Variants in ESR1 observed in about 807,000 individuals in gnomAD.
The protein encoded by ESR1 is estrogen receptor 1, also known as estrogen receptor.
Under a neutral mutation model 52.7 loss-of-function variants are expected in ESR1, and 12 were observed. That is an observed-to-expected ratio of 0.23 (90% CI 0.15 to 0.37). The LOEUF is 0.37. ESR1 is among the 10% of genes least tolerant of loss of function. The pLI is 1.00. For missense variants in ESR1, 584 were observed against 779.7 expected, an observed-to-expected ratio of 0.75 and a Z score of 2.99; for synonymous variants, 305 against 316.8, an observed-to-expected ratio of 0.96 and a Z score of 0.39.
intron 6 of ESR1, among the ~76,000 whole-genome samples, chr6:152,092,773 C>A (rs2050289362): frequency 6.6e-6 from 1 of 152,190 alleles, no homozygotes. Context: ...CTGTTCCATC[C>A]TGCCCATCTC....
chr6:151,796,331 A>ATG (rs373778724), intron 2 of ESR1, among the ~76,000 whole-genome samples: 1 of 152,034 alleles, frequency 6.6e-6, no homozygotes, highest in Non-Finnish European at 1.5e-5. Context: ...GTGTGGAAGA[A>ATG]TGTGTGTGTG....
At chr6:152,128,093 A>C (rs533454720) in exon 7 of ESR1, 2 of 152,202 alleles carry the variant, frequency 1.3e-5, no homozygotes, top group South Asian at 4.1e-4. Flanking sequence ...AATTGGAGTG[A>C]AATCTTTCTA....
intron 5 of ESR1, among the ~76,000 whole-genome samples, chr6:152,034,483 G>A (rs2045089398): frequency 6.6e-6 from 1 of 151,688 alleles, no homozygotes; most frequent in African/African-American, 2.4e-5. Flanking sequence ...GCTGTCCATA[G>A]AGTTTGTCTG....
intron 2 of ESR1, among the ~76,000 whole-genome samples, chr6:151,772,309 C>T (rs752668061): frequency 9.9e-5 from 15 of 152,120 alleles, no homozygotes; most frequent in Non-Finnish European, 2.1e-4. Context: ...AACATATGCA[C>T]CAATCTGAAT....
intron 3 of ESR1, among the ~76,000 whole-genome samples, chr6:151,923,103 C>T (rs763892289): frequency 6.6e-6 from 1 of 152,154 alleles, no homozygotes; most frequent in Non-Finnish European, 1.5e-5. Flanking sequence ...ACTTTATCAA[C>T]TAGAGTATAG....
At chr6:152,082,228 A>G (rs571185745) in intron 6 of ESR1, among the ~76,000 whole-genome samples, 3 of 152,202 alleles carry the variant, frequency 2.0e-5, no homozygotes, top group Non-Finnish European at 2.9e-5. Context: ...ATACTGGCAA[A>G]CCAAATCCAG....
At chr6:152,015,113 C>G (rs1329026727) in intron 5 of ESR1, among the ~76,000 whole-genome samples, 1 of 152,024 alleles carries the variant, frequency 6.6e-6, no homozygotes, top group Non-Finnish European at 1.5e-5. Flanking sequence ...TCATGAATCA[C>G]TATTACAAGT....
chr6:151,952,614 C>G (rs76893814), intron 4 of ESR1, among the ~76,000 whole-genome samples: 10 of 152,302 alleles, frequency 6.6e-5, no homozygotes, highest in African/African-American at 2.4e-4. Flanking sequence ...GTCCTTGGTC[C>G]AGAGTATCTT....
intron 3 of ESR1, among the ~76,000 whole-genome samples, chr6:151,933,638 T>C (rs2033985630): frequency 1.3e-5 from 2 of 152,192 alleles, no homozygotes; most frequent in African/African-American, 4.8e-5. Flanking sequence ...CATCAATACC[T>C]AATTTATTGG....
chr6:151,771,105 T>A (rs1484112044), intron 2 of ESR1, among the ~76,000 whole-genome samples: 2 of 152,212 alleles, frequency 1.3e-5, no homozygotes, highest in Non-Finnish European at 2.9e-5. Flanking sequence ...TTGCTTAAAA[T>A]TTTCAGTTAA....
chr6:152,054,139 C>T (rs563563000), intron 5 of ESR1, among the ~76,000 whole-genome samples: 1 of 152,212 alleles, frequency 6.6e-6, no homozygotes, highest in South Asian at 2.1e-4. Flanking sequence ...TTCAGACCCA[C>T]ATTTTCAATT....
chr6:152,098,864 G>A lies in ESR1; in HGVS notation c.1686G>A (p.Glu562=), dbSNP rs770043364. The change falls in exon 8 of 8, where the codon GAG becomes GAA. Residue 562 remains glutamate, a synonymous_variant. Transcript: ENST00000206249. The surrounding 1 kb of genome is among the most constrained non-coding windows in gnomAD (Gnocchi z 5.1). ...GCCGTGGAGGGGCATCCGTGGAGGA[G>A]ACGGACCAAAGCCACTTGGCCACTG... ...PTSRGGASVE[E]TDQSHLATAG... 1 of 1,614,210 alleles carries A rather than the reference G, an allele frequency of 6.2e-7. No homozygotes were observed. The highest frequency in any genetic ancestry group is 2.2e-5 in the East Asian group (1 of 44,870).
intron 3 of ESR1, among the ~76,000 whole-genome samples, chr6:151,938,025 C>T (rs1263047294): frequency 6.6e-6 from 1 of 152,192 alleles, no homozygotes; most frequent in Non-Finnish European, 1.5e-5. Flanking sequence ...TGAATTAGCA[C>T]TCCCGTTTTC....
chr6:151,746,546 C>T (rs1468909933), intron 2 of ESR1, among the ~76,000 whole-genome samples: 1 of 152,132 alleles, frequency 6.6e-6, no homozygotes, highest in African/African-American at 2.4e-5. Flanking sequence ...ATCAAAGCTG[C>T]TTAACAGCTG....
chr6:151,723,811 A>C (rs977274717), intron 2 of ESR1, among the ~76,000 whole-genome samples: 5 of 152,146 alleles, frequency 3.3e-5, no homozygotes, highest in Non-Finnish European at 7.4e-5. Context: ...CCGAGGTTGC[A>C]GTGAGCCGAG....
chr6:152,124,175 G>T (rs117713076), intron 6 of ESR1, among the ~76,000 whole-genome samples: 1 of 152,064 alleles, frequency 6.6e-6, no homozygotes, highest in Non-Finnish European at 1.5e-5. Context: ...GCCTGGTGGC[G>T]TGTGCCTGTA....
intron 4 of ESR1, among the ~76,000 whole-genome samples, chr6:151,980,677 T>C (rs181835454): frequency 6.6e-6 from 1 of 152,132 alleles, no homozygotes; most frequent in Non-Finnish European, 1.5e-5. Flanking sequence ...TTCAGATAGA[T>C]GAACTTTGCA....
intron 4 of ESR1, among the ~76,000 whole-genome samples, chr6:151,967,137 CTCAGGAT>C (rs1455858564): frequency 6.6e-6 from 1 of 152,114 alleles, no homozygotes; most frequent in Non-Finnish European, 1.5e-5. Flanking sequence ...GTTGCAATCT[CTCAGGAT>C]GGAAAAGAAC....
chr6:151,837,521 T>C (rs955058025), intron 1 of ESR1, among the ~76,000 whole-genome samples: 2 of 152,228 alleles, frequency 1.3e-5, no homozygotes, highest in Non-Finnish European at 2.9e-5. Context: ...GTATTGTGTC[T>C]TTTTTATATG....
Sources: gnomAD v4.1 joint callset for allele counts (sites outside exome capture counted in the v4.1 genomes callset) on GRCh38, gnomAD v4.1.1 for gene constraint, Gnocchi (gnomAD v3.1) non-coding constraint, MANE v1.5 for transcripts, NCBI Gene and HGNC (gene_info 2026-07-23, HGNC 2026-07-21) for gene names.